Variants in SLC24A2 observed in about 807,000 individuals in gnomAD.
The protein encoded by SLC24A2 is solute carrier family 24 member 2.
Under a neutral mutation model 62.0 loss-of-function variants are expected in SLC24A2, and 36 were observed. The ratio of observed to expected loss-of-function variants is 0.58; its 90% CI spans 0.44 to 0.77. The LOEUF (loss-of-function observed/expected upper bound fraction) is 0.77, where lower values mean the gene tolerates loss of function less well. SLC24A2 is among the 30% of genes least tolerant of loss of function. SLC24A2 has a pLI of 0.00. For synonymous variants in SLC24A2, 358 were observed against 294.0 expected (o/e 1.22, Z -2.23); for missense variants, 846 against 817.9 (o/e 1.03, Z -0.42).
At chr9:19,668,590 A>G (rs188535733) in intron 2 of SLC24A2, among the ~76,000 whole-genome samples, 3 of 152,240 alleles carry the variant, frequency 2.0e-5, no homozygotes, top group Admixed American at 1.3e-4. Context: ...CTCCCTCTGC[A>G]GTGGCGCCAT....
chr9:19,619,526 A>G, intron 4 of SLC24A2, 58 bp downstream of exon 4: 2 of 1,287,576 alleles, frequency 1.6e-6, no homozygotes, highest in Non-Finnish European at 1.1e-6. Context: ...TATGCAGAGA[A>G]GCCTTTTGGC....
intron 2 of SLC24A2, among the ~76,000 whole-genome samples, chr9:19,687,542 G>A (rs765355166): frequency 2.3e-4 from 35 of 152,034 alleles, no homozygotes; most frequent in Non-Finnish European, 3.4e-4. Context: ...TCCTCACACC[G>A]TTCACATTCC....
At chr9:20,098,569 A>C in the SLC24A2 span, among the ~76,000 whole-genome samples, 1 of 152,234 alleles carries the variant, frequency 6.6e-6, no homozygotes, top group Non-Finnish European at 1.5e-5. Context: ...GAAACTCAGC[A>C]TTAGGCCTAA....
intron 9 of SLC24A2, among the ~76,000 whole-genome samples, chr9:19,522,491 T>G (rs1833249001): frequency 6.6e-6 from 1 of 152,228 alleles, no homozygotes; most frequent in Non-Finnish European, 1.5e-5. Context: ...CACTCATTTC[T>G]AAATCCTTTT....
the SLC24A2 span, among the ~76,000 whole-genome samples, chr9:19,973,600 C>G: frequency 6.6e-6 from 1 of 152,104 alleles, no homozygotes; most frequent in African/African-American, 2.4e-5. Context: ...TGAATTTTGT[C>G]CTCATTTGTA....
rs78147353 is a variant in SLC24A2, at chr9:19,629,282, A to G, written c.931-6983T>C. 3.7e-3 allele frequency among the ~76,000 whole-genome samples: 568 copies of G among 152,326 alleles called. 2 individuals carry two copies. The highest frequency in any genetic ancestry group is 0.012 in the African/African-American group (518 of 41,584). ...GCAGTGACCTGTGAGGAGGCTGCAG[A>G]CAATACAACTTCAAATATAGTAAAA... On this transcript the variant is annotated intron_variant, in intron 2 of 10. Coordinates refer to ENST00000341998, the MANE Select transcript of SLC24A2 (RefSeq NM_020344.4).
chr9:19,663,321 C>T (rs1819155692), intron 2 of SLC24A2, among the ~76,000 whole-genome samples: 6 of 152,170 alleles, frequency 3.9e-5, no homozygotes, highest in Admixed American at 3.9e-4. Flanking sequence ...TCCCAGTTCC[C>T]ACAAAGTTCT....
intron 4 of SLC24A2, among the ~76,000 whole-genome samples, chr9:19,614,767 C>G (rs1817721647): frequency 6.6e-6 from 1 of 151,980 alleles, no homozygotes; most frequent in Admixed American, 6.6e-5. Context: ...GGTCCTGAGA[C>G]CACAGGGGGA....
the SLC24A2 span, among the ~76,000 whole-genome samples, chr9:20,106,619 G>A: frequency 9.2e-5 from 14 of 152,150 alleles, no homozygotes; most frequent in African/African-American, 3.4e-4. Context: ...CTCAATAGAT[G>A]CAGAAAAGGC....
intron 2 of SLC24A2, among the ~76,000 whole-genome samples, chr9:19,708,202 T>C (rs549788215): frequency 6.6e-6 from 1 of 152,156 alleles, no homozygotes; most frequent in Non-Finnish European, 1.5e-5. Flanking sequence ...TTACAGGGGA[T>C]GTGAAGGACC....
chr9:20,123,855 G>C, the SLC24A2 span, among the ~76,000 whole-genome samples: 1 of 152,148 alleles, frequency 6.6e-6, no homozygotes, highest in Admixed American at 6.5e-5. Flanking sequence ...CTATCTTCCA[G>C]TTGAGCTTGA....
the SLC24A2 span, among the ~76,000 whole-genome samples, chr9:20,055,376 T>C: frequency 1.3e-5 from 2 of 152,330 alleles, no homozygotes; most frequent in African/African-American, 4.8e-5. Flanking sequence ...CAATCATAAA[T>C]ATAGTGCTTA....
intron 2 of SLC24A2, among the ~76,000 whole-genome samples, chr9:19,769,529 C>T (rs1246678566): frequency 6.6e-6 from 1 of 152,208 alleles, no homozygotes; most frequent in East Asian, 1.9e-4. Context: ...TACTTTCATG[C>T]CTGCAGACAC....
the SLC24A2 span, among the ~76,000 whole-genome samples, chr9:20,298,992 G>C: frequency 1.3e-5 from 2 of 152,196 alleles, no homozygotes; most frequent in Admixed American, 6.5e-5. Flanking sequence ...TGGAGGGTCT[G>C]AGAGATGGTT....
the SLC24A2 span, among the ~76,000 whole-genome samples, chr9:19,941,596 A>T: frequency 1.6e-3 from 160 of 101,768 alleles, 1 homozygote; most frequent in African/African-American, 5.0e-3. Context: ...TGTGTGAGAG[A>T]GAGAGAGAGA....
At chr9:20,035,990 A>G in the SLC24A2 span, among the ~76,000 whole-genome samples, 1 of 152,168 alleles carries the variant, frequency 6.6e-6, no homozygotes, top group Non-Finnish European at 1.5e-5. Flanking sequence ...AGAAAGAGAG[A>G]ATGAATGTGA....
At chr9:20,272,131 G>A in the SLC24A2 span, among the ~76,000 whole-genome samples, 1 of 152,294 alleles carries the variant, frequency 6.6e-6, no homozygotes, top group Admixed American at 6.5e-5. Context: ...CTTTGAGAAT[G>A]GCTGACTTGC....
the SLC24A2 span, among the ~76,000 whole-genome samples, chr9:20,295,394 T>A: frequency 3.2e-4 from 49 of 152,238 alleles, no homozygotes; most frequent in Non-Finnish European, 5.6e-4. Context: ...AGTTTAAGGG[T>A]GCCAAGTGGA....
At chr9:19,824,961 G>A in the SLC24A2 span, among the ~76,000 whole-genome samples, 2 of 152,136 alleles carry the variant, frequency 1.3e-5, no homozygotes, top group Non-Finnish European at 2.9e-5. Flanking sequence ...ATAAGTGGGA[G>A]TTGAACAATG....
Sources: allele counts gnomAD v4.1 joint callset (sites outside exome capture counted in the v4.1 genomes callset), GRCh38; gene constraint gnomAD v4.1.1; transcripts MANE v1.5; gene names NCBI Gene and HGNC (gene_info 2026-07-23, HGNC 2026-07-21).